RSF1: variants seen among roughly 807,000 people sequenced by gnomAD.
The protein encoded by RSF1 is HBV pX-associated protein 8.
In RSF1, 13 loss-of-function variants were observed where a neutral mutation model predicts 145.2. That is an observed-to-expected ratio of 0.09 (90% CI 0.06 to 0.14). The LOEUF is 0.14. RSF1 is among the 10% of genes least tolerant of loss of function. The probability of loss-of-function intolerance (pLI) is 1.00; values close to 1 mark genes in which losing one functional copy is unlikely to be tolerated. For synonymous variants in RSF1, 577 were observed against 592.6 expected (o/e 0.97, Z 0.38); for missense variants, 1,517 against 1,718.2 (o/e 0.88, Z 2.07).
intron 7 of RSF1, among the ~76,000 whole-genome samples, chr11:77,696,474 C>T (rs1231271675): frequency 6.6e-6 from 1 of 152,202 alleles, no homozygotes; most frequent in Non-Finnish European, 1.5e-5. Flanking sequence ...TGAGGATTAT[C>T]CTTAAGCACT....
In RSF1 at chr11:77,778,539, TTCTC is replaced by T. The variant is rs1416337864; in HGVS notation, c.188-13854_188-13851del. On this transcript the variant is annotated intron_variant, in intron 1 of 15. Coordinates refer to ENST00000308488, the MANE Select transcript of RSF1 (RefSeq NM_016578.4). Reference sequence around the variant, plus strand: ...AGTCCCCTCTAACATATGCTCCCTCTTCTCTCTTTCTGAAAAAAGTTCTTGGCAA... The same window carrying T: ...AGTCCCCTCTAACATATGCTCCCTCTTCTTTCTGAAAAAAGTTCTTGGCAA... Among the ~76,000 whole-genome samples, 3 of 152,276 alleles carry T rather than the reference TTCTC, an allele frequency of 2.0e-5. No individual in the cohort carries two copies. The East Asian group carries it at 5.8e-4, about 29-fold the overall frequency.
In RSF1 at chr11:77,678,072, C is replaced by T. The variant is rs370140413; in HGVS notation, c.3133+14G>A. On this transcript the variant is annotated intron_variant, in intron 12 of 15. Transcript: ENST00000308488. Reference sequence around the variant, plus strand: ...GCAGAGTTCTATGAAGAAGAGAGAACGACAAACACATACCTCCTCCATCGG... The same window carrying T: ...GCAGAGTTCTATGAAGAAGAGAGAATGACAAACACATACCTCCTCCATCGG... 2.4e-5 allele frequency: 39 copies of T among 1,604,492 alleles called. No homozygotes were observed. The highest frequency in any genetic ancestry group is 3.3e-5 in the Admixed American group (2 of 59,842).
At position 77,819,814 on chromosome 11, in the gene RSF1, T is replaced by C. The variant is rs186022124; in HGVS notation, c.187+714A>G. On this transcript the variant is annotated intron_variant, in intron 1 of 15. Transcript: ENST00000308488. ...AGAACTATGGAGGAGGAATTAACCC[T>C]CTCCTCTCCACAGTGGAGCTGAACC... 3.3e-3 allele frequency among the ~76,000 whole-genome samples: 496 copies of C among 151,570 alleles called. 2 individuals carry two copies. Among genetic ancestry groups the C allele is most frequent in the African/African-American group, 0.011 (465 of 41,274 alleles).
At chr11:77,866,676 T>C in the RSF1 span, 1 of 152,030 alleles carries the variant, frequency 6.6e-6, no homozygotes, top group Non-Finnish European at 1.5e-5. Flanking sequence ...CAGTGGCCTC[T>C]TGTTTCATTT....
At chr11:77,765,958 G>A (rs1948221182) in intron 1 of RSF1, among the ~76,000 whole-genome samples, 1 of 152,072 alleles carries the variant, frequency 6.6e-6, no homozygotes, top group Non-Finnish European at 1.5e-5. Context: ...ACGTTGGCCA[G>A]GCTTGTCTGG....
At chr11:77,743,904 G>A (rs1947969126) in intron 3 of RSF1, among the ~76,000 whole-genome samples, 1 of 152,132 alleles carries the variant, frequency 6.6e-6, no homozygotes, top group African/African-American at 2.4e-5. Flanking sequence ...CTAATTTGTT[G>A]AGAGTTTTTA....
In RSF1 at chr11:77,782,433, C is replaced by A. The variant is rs543990669; in HGVS notation, c.188-17744G>T. ...GCGCGCACCTGTAGTCCCAGCTACT[C>A]AGGAGGCTAAGGCAGGAGAATCGCA... On this transcript the variant is annotated intron_variant, in intron 1 of 15. Coordinates refer to ENST00000308488, the MANE Select transcript of RSF1 (RefSeq NM_016578.4). Among the ~76,000 whole-genome samples the A allele has an allele frequency of 2.8e-3, 420 of 151,980 alleles. 1 individual carries two copies. The highest frequency in any genetic ancestry group is 9.1e-3 in the African/African-American group (379 of 41,428).
At chr11:77,734,906 A>G in intron 4 of RSF1, 4 of 1,582,328 alleles carry the variant, frequency 2.5e-6, no homozygotes, top group Non-Finnish European at 3.4e-6. Flanking sequence ...CGGTCAAAGC[A>G]GTAAGACATG....
chr11:77,745,448 A>G (rs1430539121), intron 3 of RSF1, among the ~76,000 whole-genome samples: 1 of 151,646 alleles, frequency 6.6e-6, no homozygotes, highest in Non-Finnish European at 1.5e-5. Context: ...GCATTTTGTA[A>G]GTTCTGGCAT....
the RSF1 span, chr11:77,869,799 G>C: frequency 3.1e-6 from 5 of 1,613,752 alleles, no homozygotes; most frequent in Non-Finnish European, 4.2e-6. Context: ...TTGGCCGAGG[G>C]ATGAGTGAGG....
intron 1 of RSF1, among the ~76,000 whole-genome samples, chr11:77,777,830 CAAAT>C (rs1948357971): frequency 6.6e-6 from 1 of 151,530 alleles, no homozygotes; most frequent in Non-Finnish European, 1.5e-5. Flanking sequence ...AACAAACAAA[CAAAT>C]GAACGAACAA....
At chr11:77,749,876 G>GAGCT (rs1337554971) in intron 2 of RSF1, among the ~76,000 whole-genome samples, 1 of 152,100 alleles carries the variant, frequency 6.6e-6, no homozygotes, top group East Asian at 1.9e-4. Context: ...AGCCTCCCGA[G>GAGCT]TAGCTGAGAC....
At chr11:77,761,277 A>G (rs1269719267) in intron 2 of RSF1, among the ~76,000 whole-genome samples, 3 of 152,116 alleles carry the variant, frequency 2.0e-5, no homozygotes, top group Admixed American at 2.0e-4. Context: ...TCATCTTTCA[A>G]GTACTGAGCC....
intron 1 of RSF1, chr11:77,813,182 T>C (rs146264595): frequency 5.0e-6 from 2 of 399,880 alleles, no homozygotes; most frequent in East Asian, 3.8e-5. Flanking sequence ...ATTTATTTGA[T>C]AAGTATTTTT....
rs1467261141 is a variant in RSF1 at position 77,662,499 on chromosome 11, C to T, written c.*4418G>A. ...CTTGCTTGGCAATTACTCTCTTCAACATATTACAGTTACTTAGCAATTCTT... is the reference window on the plus strand; with the variant it reads ...CTTGCTTGGCAATTACTCTCTTCAATATATTACAGTTACTTAGCAATTCTT... On this transcript the variant is annotated 3_prime_UTR_variant, in exon 16 of 16. Transcript: ENST00000308488. The T allele has an allele frequency of 1.3e-5, 2 of 152,156 alleles. No individual in the cohort carries two copies. Among genetic ancestry groups the T allele is most frequent in the Non-Finnish European group, 2.9e-5 (2 of 68,008 alleles). 9.4% of individuals were successfully genotyped at this position (152,156 alleles called of 1,614,324 possible).
chr11:77,816,878 T>C (rs1339062789), intron 1 of RSF1, among the ~76,000 whole-genome samples: 3 of 152,248 alleles, frequency 2.0e-5, no homozygotes, highest in South Asian at 2.1e-4. Flanking sequence ...ATTTGGCACA[T>C]CCTTTTATAA....
At chr11:77,851,477 G>A in the RSF1 span, 1 of 152,146 alleles carries the variant, frequency 6.6e-6, no homozygotes, top group Non-Finnish European at 1.5e-5. Flanking sequence ...TTCTAAAGCT[G>A]GTTGTTGTGG....
At chr11:77,677,038 T>C (rs546961069) in intron 12 of RSF1, 39 bp from the exon 13 acceptor site, 15 of 1,489,552 alleles carry the variant, frequency 1.0e-5, no homozygotes, top group African/African-American at 1.4e-5. Flanking sequence ...GAGAAAAATA[T>C]GTGTTTATTA....
At chr11:77,685,662 G>A (rs893143390) in intron 9 of RSF1, among the ~76,000 whole-genome samples, 1 of 152,046 alleles carries the variant, frequency 6.6e-6, no homozygotes, top group Non-Finnish European at 1.5e-5. Context: ...ACATTTCCTA[G>A]GGTTAAGATA....
Sources: allele counts gnomAD v4.1 joint callset (sites outside exome capture counted in the v4.1 genomes callset), GRCh38; gene constraint gnomAD v4.1.1; transcripts MANE v1.5; gene names NCBI Gene and HGNC (gene_info 2026-07-23, HGNC 2026-07-21).